The following ADAM29 variants were observed in gnomAD, a reference collection of about 807,000 sequenced individuals.
ADAM29 encodes the protein ADAM metallopeptidase domain 29, also known as disintegrin and metalloproteinase domain-containing protein 29.
For synonymous variants in ADAM29, 367 were observed against 342.3 expected (o/e 1.07, Z -0.80); for missense variants, 969 against 1,001.8 (o/e 0.97, Z 0.44).
At chr4:174,922,892 C>A (rs1332772798) in intron 2 of ADAM29, among the ~76,000 whole-genome samples, 1 of 151,734 alleles carries the variant, frequency 6.6e-6, no homozygotes, top group East Asian at 1.9e-4. Flanking sequence ...CCGTGAATAG[C>A]AAAGCCAAAA....
intron 3 of ADAM29, among the ~76,000 whole-genome samples, chr4:174,936,227 T>G (rs1172475430): frequency 6.6e-6 from 1 of 152,054 alleles, no homozygotes; most frequent in Non-Finnish European, 1.5e-5. Flanking sequence ...AATATCAATG[T>G]AATTTCGACT....
intron 4 of ADAM29, among the ~76,000 whole-genome samples, chr4:174,972,492 A>C (rs951212454): frequency 6.6e-6 from 1 of 152,166 alleles, no homozygotes; most frequent in East Asian, 1.9e-4. Context: ...CTTTTATCCC[A>C]GGTGTCTAGA....
chr4:174,937,397 G>T (rs1744262246), intron 4 of ADAM29, among the ~76,000 whole-genome samples: 1 of 151,898 alleles, frequency 6.6e-6, no homozygotes, highest in Non-Finnish European at 1.5e-5. Context: ...TATTTCTAAA[G>T]ATTCTTACTG....
At chr4:174,937,933 G>T (rs1744295622) in intron 4 of ADAM29, among the ~76,000 whole-genome samples, 1 of 152,030 alleles carries the variant, frequency 6.6e-6, no homozygotes, top group African/African-American at 2.4e-5. Flanking sequence ...AAGTTTTTCA[G>T]AAATTAATGA....
chr4:174,974,886 A>T (rs1369417425), intron 4 of ADAM29, among the ~76,000 whole-genome samples: 2 of 152,228 alleles, frequency 1.3e-5, no homozygotes, highest in Non-Finnish European at 2.9e-5. Flanking sequence ...AATGGTTTTT[A>T]AAAATGTCTC....
At chr4:174,944,900 A>G (rs1744753506) in intron 4 of ADAM29, among the ~76,000 whole-genome samples, 1 of 152,144 alleles carries the variant, frequency 6.6e-6, no homozygotes, top group South Asian at 2.1e-4. Flanking sequence ...CATGGTGTAT[A>G]TGTACCACAT....
intron 4 of ADAM29, among the ~76,000 whole-genome samples, chr4:174,956,151 G>T (rs558753849): frequency 3.3e-5 from 5 of 151,890 alleles, no homozygotes; most frequent in Non-Finnish European, 7.4e-5. Context: ...TTACTGAGAC[G>T]CTTTCTTCCA....
chr4:174,964,262 A>G (rs369033826), intron 4 of ADAM29, among the ~76,000 whole-genome samples: 5 of 152,124 alleles, frequency 3.3e-5, no homozygotes, highest in African/African-American at 1.2e-4. Flanking sequence ...TAGTACACAC[A>G]AGAGGCATCA....
intron 4 of ADAM29, among the ~76,000 whole-genome samples, chr4:174,963,276 A>C (rs909602799): frequency 2.0e-5 from 3 of 152,212 alleles, no homozygotes; most frequent in African/African-American, 7.2e-5. Context: ...ATATAAATGC[A>C]ATAGGTGGTC....
At chr4:174,922,928 A>G (rs1414888996) in intron 2 of ADAM29, among the ~76,000 whole-genome samples, 2 of 152,074 alleles carry the variant, frequency 1.3e-5, no homozygotes, top group Non-Finnish European at 2.9e-5. Context: ...TCCTATACTC[A>G]AACATGTTAC....
intron 4 of ADAM29, among the ~76,000 whole-genome samples, chr4:174,949,329 G>A (rs1745038749): frequency 6.6e-6 from 1 of 152,180 alleles, no homozygotes. Flanking sequence ...ATGCTCCGCT[G>A]AAGCCATTCC....
chr4:174,937,201 A>G lies in ADAM29; in HGVS notation c.-181+188A>G, dbSNP rs1183499337. On this transcript the variant is annotated intron_variant, in intron 4 of 4. Coordinates refer to ENST00000359240, the MANE Select transcript of ADAM29 (RefSeq NM_014269.4). ...TTCCATAGAGCTTTCTTTCTCAATG[A>G]AAGAGGTCACTAATTCCTTCACTTC... Among the ~76,000 whole-genome samples, 4 of 152,126 alleles carry G rather than the reference A, an allele frequency of 2.6e-5. No homozygotes were observed. The East Asian group carries it at 5.8e-4, about 22-fold the overall frequency.
intron 4 of ADAM29, among the ~76,000 whole-genome samples, chr4:174,946,825 C>G (rs981098444): frequency 1.3e-5 from 2 of 152,094 alleles, no homozygotes; most frequent in African/African-American, 4.8e-5. Context: ...ATGGTACCAG[C>G]TCTTCATTAC....
At chr4:174,953,147 G>A (rs796756951) in intron 4 of ADAM29, among the ~76,000 whole-genome samples, 36 of 151,738 alleles carry the variant, frequency 2.4e-4, no homozygotes, top group Non-Finnish European at 3.4e-4. Flanking sequence ...TTAGCCGGGC[G>A]TGGTGGCCGG....
intron 4 of ADAM29, among the ~76,000 whole-genome samples, chr4:174,960,464 A>AT (rs1465173925): frequency 1.3e-5 from 2 of 151,974 alleles, no homozygotes; most frequent in East Asian, 1.9e-4. Context: ...GATTTGTTTG[A>AT]TTTTTTATGT....
intron 4 of ADAM29, among the ~76,000 whole-genome samples, chr4:174,971,016 CTTTAT>C (rs1229023621): frequency 1.3e-5 from 2 of 152,172 alleles, no homozygotes; most frequent in Admixed American, 6.6e-5. Context: ...CTACCCCACA[CTTTAT>C]TTTATTGTTG....
chr4:174,976,438 G>T lies in ADAM29; in HGVS notation c.913G>T (p.Gly305Ter). ...GTTAAGTGGCATAGGAGCTTTTAGA[G>T]GAATGTGTACACCACACCGTAGTTG... Reference protein sequence around the residue: ...RGLSGIGAFRGMCTPHRSCAI... With the variant: ...RGLSGIGAFR The change falls in exon 5 of 5, where the codon GGA becomes TGA. Residue 305 changes from glycine to a stop codon, truncating the protein, a stop_gained. Transcript: ENST00000359240. LOFTEE classifies it low-confidence loss of function (END_TRUNC). 3.1e-6 allele frequency: 5 copies of T among 1,600,528 alleles called. No individual in the cohort carries two copies. Among genetic ancestry groups the T allele is most frequent in the Non-Finnish European group, 4.3e-6 (5 of 1,174,444 alleles).
In ADAM29 at chr4:174,976,360, C is replaced by T; in HGVS notation, c.835C>T (p.Pro279Ser). 1 of 1,605,852 alleles carries T rather than the reference C, an allele frequency of 6.2e-7. No individual in the cohort carries two copies. Among genetic ancestry groups the T allele is most frequent in the Non-Finnish European group, 8.5e-7 (1 of 1,176,864 alleles). ...YCKWKSENIT[P>S]RMQHDTSHLF... ...CAAGTGGAAGTCGGAGAACATTACGCCCCGGATGCAACATGACACCTCACA... is the reference window on the plus strand; with the variant it reads ...CAAGTGGAAGTCGGAGAACATTACGTCCCGGATGCAACATGACACCTCACA... The change falls in exon 5 of 5, where the codon CCC (proline) becomes TCC (serine). Residue 279 changes from proline to serine, a missense_variant. Physicochemically the swap from Pro to Ser is moderately conservative, Grantham distance 74 (BLOSUM62 -1). Coordinates refer to ENST00000359240, the MANE Select transcript of ADAM29 (RefSeq NM_014269.4).
intron 4 of ADAM29, among the ~76,000 whole-genome samples, chr4:174,937,658 C>T (rs1434556282): frequency 2.6e-5 from 4 of 151,954 alleles, no homozygotes; most frequent in African/African-American, 7.2e-5. Context: ...CATTTCTTTA[C>T]GTACCCTATT....
Sources: allele counts gnomAD v4.1 joint callset (sites outside exome capture counted in the v4.1 genomes callset), GRCh38; gene constraint gnomAD v4.1.1; transcripts MANE v1.5; gene names NCBI Gene and HGNC (gene_info 2026-07-23, HGNC 2026-07-21).